TENM3: variants seen among roughly 807,000 people sequenced by gnomAD.
TENM3 encodes teneurin-3.
A neutral mutation model predicts 255.1 loss-of-function variants in TENM3; 63 were observed. That is an observed-to-expected ratio of 0.25 (90% CI 0.20 to 0.30). TENM3 has a LOEUF of 0.30. Ranked by LOEUF, TENM3 falls within the 10% of genes least tolerant of loss-of-function variation. The pLI, the probability that TENM3 is intolerant of heterozygous loss-of-function variation, is 1.00. For synonymous variants in TENM3, 1,306 were observed against 1,322.3 expected (o/e 0.99, Z 0.27); for missense variants, 2,929 against 3,461.1 (o/e 0.85, Z 3.86).
rs917202184 is a variant in TENM3 at position 182,744,264 on chromosome 4, A to G, written c.3629+845A>G. 2.6e-5 allele frequency: 19 copies of G among 731,544 alleles called. No homozygotes were observed. The South Asian group carries it at 9.2e-4, about 35-fold the overall frequency. The allele number at this position is 731,544 out of a possible 1,614,324, so 45.3% of individuals were successfully genotyped here. On this transcript the variant is annotated intron_variant, in intron 19 of 27. Coordinates refer to ENST00000511685, the MANE Select transcript of TENM3 (RefSeq NM_001080477.4). ...TTTTCTAAGAATATTTCATCATGAG[A>G]GAGGAAACTCAGTATCACACATCAT... is the stretch of plus-strand genomic sequence containing the variant.
intron 3 of TENM3, among the ~76,000 whole-genome samples, chr4:182,573,973 A>G (rs1241250272): frequency 6.6e-6 from 1 of 152,162 alleles, no homozygotes; most frequent in Non-Finnish European, 1.5e-5. Context: ...AATATGAAAA[A>G]CTAAAATTAA....
intron 3 of TENM3, among the ~76,000 whole-genome samples, chr4:182,384,184 A>G (rs926811213): frequency 4.6e-5 from 7 of 152,216 alleles, no homozygotes; most frequent in African/African-American, 1.7e-4. Flanking sequence ...ACTTTTTCAA[A>G]TGAAAAAACA....
the TENM3 span, among the ~76,000 whole-genome samples, chr4:181,718,738 T>C: frequency 2.0e-5 from 3 of 152,312 alleles, no homozygotes; most frequent in Admixed American, 2.0e-4. Context: ...TAAATTGTAG[T>C]GGAATGTGTC....
At chr4:181,989,867 A>C in the TENM3 span, among the ~76,000 whole-genome samples, 5 of 152,316 alleles carry the variant, frequency 3.3e-5, no homozygotes, top group African/African-American at 1.2e-4. Flanking sequence ...GGTAGGTCTT[A>C]ATTAGATATA....
At position 182,281,907 on chromosome 4, in the gene TENM3, G is replaced by A. The variant is rs111909663; in HGVS notation, c.-76+38431G>A. Among the ~76,000 whole-genome samples, 664 of 151,986 alleles carry A rather than the reference G, an allele frequency of 4.4e-3. 4 individuals carry two copies. Among genetic ancestry groups the A allele is most frequent in the African/African-American group, 0.015 (624 of 41,448 alleles). ...TGTACCACCATACCCGGCTAATTTTGGTATTTTTAGTAGAGACAGGGTTTC... is the reference window on the plus strand; with the variant it reads ...TGTACCACCATACCCGGCTAATTTTAGTATTTTTAGTAGAGACAGGGTTTC... On this transcript the variant is annotated intron_variant, in intron 1 of 27. Transcript: ENST00000511685.
the TENM3 span, among the ~76,000 whole-genome samples, chr4:181,469,194 G>A: frequency 6.6e-6 from 1 of 151,996 alleles, no homozygotes; most frequent in African/African-American, 2.4e-5. Context: ...TGTGCTTCCT[G>A]GCTTAAGAGT....
At chr4:182,436,295 A>T (rs1309282941) in intron 3 of TENM3, among the ~76,000 whole-genome samples, 1 of 152,170 alleles carries the variant, frequency 6.6e-6, no homozygotes. Context: ...TGTGAATAGG[A>T]TATCCTGGGA....
At chr4:182,260,269 C>T (rs77713094) in intron 1 of TENM3, among the ~76,000 whole-genome samples, 8 of 152,030 alleles carry the variant, frequency 5.3e-5, no homozygotes, top group African/African-American at 2.4e-5. Flanking sequence ...TGGAATTGCT[C>T]GATCATATGG....
intron 1 of TENM3, among the ~76,000 whole-genome samples, chr4:182,301,058 A>C (rs1343223233): frequency 1.3e-5 from 2 of 152,240 alleles, no homozygotes; most frequent in East Asian, 1.9e-4. Flanking sequence ...AGAAGAATGA[A>C]GAGGACTGCA....
chr4:182,510,991 TACTGTC>T (rs1737337161), intron 3 of TENM3, among the ~76,000 whole-genome samples: 1 of 152,202 alleles, frequency 6.6e-6, no homozygotes, highest in Non-Finnish European at 1.5e-5. Context: ...TGTTACTACT[TACTGTC>T]AAACAGTGGA....
At chr4:182,189,994 G>C (rs1276568187) in intron 1 of TENM3, among the ~76,000 whole-genome samples, 2 of 152,152 alleles carry the variant, frequency 1.3e-5, no homozygotes, top group Non-Finnish European at 2.9e-5. Context: ...CTTACGAACT[G>C]TTTTCTCGTT....
intron 22 of TENM3, among the ~76,000 whole-genome samples, chr4:182,757,094 C>T (rs554773975): frequency 3.3e-5 from 5 of 152,040 alleles, no homozygotes; most frequent in East Asian, 1.9e-4. Flanking sequence ...AGGCGGATCA[C>T]GAGGTCAGGA....
At chr4:182,673,325 TG>T (rs1755383938) in intron 7 of TENM3, 106 bp downstream of exon 7, 1 of 728,312 alleles carries the variant, frequency 1.4e-6, no homozygotes, top group African/African-American at 1.8e-5. Context: ...TGACGACTTT[TG>T]AATCGACTTT....
chr4:182,204,903 T>A (rs1010475827), intron 1 of TENM3, among the ~76,000 whole-genome samples: 11 of 152,326 alleles, frequency 7.2e-5, no homozygotes, highest in African/African-American at 2.4e-4. Context: ...AAAAAGTAAC[T>A]TCACATAAGA....
At chr4:181,564,133 C>T in the TENM3 span, among the ~76,000 whole-genome samples, 1 of 149,844 alleles carries the variant, frequency 6.7e-6, no homozygotes, top group African/African-American at 2.5e-5. Context: ...CTCTGCCTCC[C>T]AGATTCAAGT....
chr4:182,256,419 C>A (rs990432801), intron 1 of TENM3, among the ~76,000 whole-genome samples: 1 of 152,150 alleles, frequency 6.6e-6, no homozygotes, highest in Non-Finnish European at 1.5e-5. Context: ...AGGTCATAAC[C>A]ATCCCACTGA....
At chr4:182,150,845 C>T (rs187019213) in intron 1 of TENM3, among the ~76,000 whole-genome samples, 1 of 152,074 alleles carries the variant, frequency 6.6e-6, no homozygotes, top group African/African-American at 2.4e-5. Context: ...TCCTTCAGTC[C>T]GATTCCGTAG....
At chr4:182,778,997 A>G (rs1764923230) in intron 24 of TENM3, among the ~76,000 whole-genome samples, 1 of 139,502 alleles carries the variant, frequency 7.2e-6, no homozygotes, top group South Asian at 2.2e-4. Context: ...GTTTTATTTT[A>G]GAGACAGATT....
At chr4:181,873,827 C>T in the TENM3 span, among the ~76,000 whole-genome samples, 1 of 152,054 alleles carries the variant, frequency 6.6e-6, no homozygotes, top group African/African-American at 2.4e-5. Context: ...TGGAGTCACC[C>T]AGGCTGAAGT....
Sources: gnomAD v4.1 joint callset for allele counts (sites outside exome capture counted in the v4.1 genomes callset) on GRCh38, gnomAD v4.1.1 for gene constraint, MANE v1.5 for transcripts, NCBI Gene and HGNC (gene_info 2026-07-23, HGNC 2026-07-21) for gene names.